SLC10A2: variants seen among roughly 807,000 people sequenced by gnomAD.
The protein encoded by SLC10A2 is ileal sodium/bile acid cotransporter.
In SLC10A2, 34 loss-of-function variants were observed where a neutral mutation model predicts 27.1. The ratio of observed to expected loss-of-function variants is 1.26; its 90% CI spans 0.96 to 1.67. The LOEUF (loss-of-function observed/expected upper bound fraction) is 1.67, where lower values mean the gene tolerates loss of function less well. SLC10A2 is among the 40% of genes most tolerant of loss of function. The pLI is 0.00. For missense variants in SLC10A2, 530 were observed against 444.4 expected, an observed-to-expected ratio of 1.19 and a Z score of -1.73; for synonymous variants, 205 against 174.0, an observed-to-expected ratio of 1.18 and a Z score of -1.40.
chr13:103,066,369 C>T lies in SLC10A2; in HGVS notation c.-120G>A, dbSNP rs1451368711. 1 of 1,100,624 alleles carries T rather than the reference C, an allele frequency of 9.1e-7. No individual in the cohort carries two copies. Among genetic ancestry groups the T allele is most frequent in the Non-Finnish European group, 1.3e-6 (1 of 796,120 alleles). The allele number at this position is 1,100,624 out of a possible 1,614,324, so 68.2% of individuals were successfully genotyped here. A position where few individuals can be genotyped will look rare whatever the true frequency, so the allele number is the denominator to read the frequency against. Reference sequence around the variant, plus strand: ...ACCCCATCAAACTTTTAAACCCCTCCTAAAAATATGTCACTTGGTGTCTCT... The same window carrying T: ...ACCCCATCAAACTTTTAAACCCCTCTTAAAAATATGTCACTTGGTGTCTCT... On this transcript the variant is annotated 5_prime_UTR_variant, in exon 1 of 6. Transcript: ENST00000245312.
At chr13:103,048,691 G>A (rs1875683594) in intron 5 of SLC10A2, among the ~76,000 whole-genome samples, 1 of 152,156 alleles carries the variant, frequency 6.6e-6, no homozygotes, top group Non-Finnish European at 1.5e-5. Context: ...GGGGCCTGAT[G>A]GGAAACGCTG....
intron 4 of SLC10A2, 64 bp from the exon 5 acceptor site, chr13:103,049,510 G>A: frequency 6.5e-7 from 1 of 1,531,176 alleles, no homozygotes; most frequent in Non-Finnish European, 9.0e-7. Context: ...ATGAAAAGCA[G>A]ATATAATAAT....
At chr13:103,058,726 G>C (rs570279807) in intron 1 of SLC10A2, among the ~76,000 whole-genome samples, 10 of 152,246 alleles carry the variant, frequency 6.6e-5, no homozygotes, top group Non-Finnish European at 1.2e-4. Flanking sequence ...TTCTGTCCTT[G>C]TGTTACTTTG....
chr13:103,046,296 A>C, intron 5 of SLC10A2, 36 bp from the exon 6 acceptor site: 1 of 1,545,294 alleles, frequency 6.5e-7, no homozygotes, highest in East Asian at 2.3e-5. Flanking sequence ...AGTAAATTTT[A>C]TAATAATAAA....
At chr13:103,046,617 TG>T (rs1330679872) in intron 5 of SLC10A2, among the ~76,000 whole-genome samples, 3 of 152,222 alleles carry the variant, frequency 2.0e-5, no homozygotes, top group Non-Finnish European at 1.5e-5. Flanking sequence ...AATATACACA[TG>T]GTGCAGTGCA....
At chr13:103,049,245 T>C (rs748883272) in intron 5 of SLC10A2, 44 bp downstream of exon 5, 19 of 1,609,350 alleles carry the variant, frequency 1.2e-5, no homozygotes, top group Non-Finnish European at 1.4e-5. Context: ...AACTCCAGGA[T>C]TTTTCAAAGA....
intron 1 of SLC10A2, among the ~76,000 whole-genome samples, chr13:103,060,430 G>A (rs975367997): frequency 6.8e-6 from 1 of 146,960 alleles, no homozygotes; most frequent in South Asian, 2.1e-4. Context: ...TGTCACCCAG[G>A]CCAGAGTACA....
At position 103,049,459 on chromosome 13, in the gene SLC10A2, T is replaced by C. The variant is rs769120580; in HGVS notation, c.762-13A>G. The C allele has an allele frequency of 5.6e-6, 9 of 1,613,526 alleles. No individual in the cohort carries two copies. The African/African-American group carries it at 1.2e-4, about 22-fold the overall frequency. ...AACCGTTCGGCACCTAAAGAAGATG[T>C]TAAGAGAGCACATGTTTTAGTAGTT... On this transcript the variant is annotated splice_polypyrimidine_tract_variant and intron_variant, in intron 4 of 5. Coordinates refer to ENST00000245312, the MANE Select transcript of SLC10A2 (RefSeq NM_000452.3).
Position 103,045,567 on chromosome 13 carries a change from A to T in SLC10A2, c.*566T>A, listed in dbSNP as rs892839834. The T allele has an allele frequency of 6.6e-6, 1 of 152,396 alleles. No individual in the cohort carries two copies. The highest frequency in any genetic ancestry group is 1.5e-5 in the Non-Finnish European group (1 of 68,208). 9.4% of individuals were successfully genotyped at this position (152,396 alleles called of 1,614,324 possible). The stretch of plus-strand genomic sequence containing the variant: ...GCCACTGGAGAAGGCAACTTTTTAA[A>T]AATACAGAAGTCAGATATTTGCCCA... On this transcript the variant is annotated 3_prime_UTR_variant, in exon 6 of 6. Coordinates refer to ENST00000245312, the MANE Select transcript of SLC10A2 (RefSeq NM_000452.3).
chr13:103,051,336 T>C lies in SLC10A2; in HGVS notation c.682A>G (p.Ile228Val). 1.2e-6 allele frequency: 2 copies of C among 1,613,960 alleles called. No homozygotes were observed. Among genetic ancestry groups the C allele is most frequent in the African/African-American group, 1.3e-5 (1 of 74,976 alleles). The change falls in exon 4 of 6, where the codon ATT (isoleucine) becomes GTT (valine). Residue 228 changes from isoleucine to valine, a missense_variant. Physicochemically the swap from Ile to Val is conservative, Grantham distance 29 (BLOSUM62 3). Transcript: ENST00000245312. ...GCCACAGGAAATATTGTTCCTATAATCCACAGTTTGGGAGCAATGATCCAG... is the reference window on the plus strand; with the variant it reads ...GCCACAGGAAATATTGTTCCTATAACCCACAGTTTGGGAGCAATGATCCAG... ...SAWIIAPKLW[I>V]IGTIFPVAGY... is the part of the protein sequence containing the mutation.
Position 103,046,095 on chromosome 13 carries a change from A to C in SLC10A2, c.*38T>G, listed in dbSNP as rs749942851. 1.8e-5 allele frequency: 29 copies of C among 1,610,374 alleles called. No individual in the cohort carries two copies. The highest frequency in any genetic ancestry group is 2.4e-5 in the Non-Finnish European group (28 of 1,176,950). ...AATTAAATATAGTTACGGTTTAAGAACGTAATTTGGAACTCGTCTGTTTTG... is the reference window on the plus strand; with the variant it reads ...AATTAAATATAGTTACGGTTTAAGACCGTAATTTGGAACTCGTCTGTTTTG... On this transcript the variant is annotated 3_prime_UTR_variant, in exon 6 of 6. Coordinates refer to ENST00000245312, the MANE Select transcript of SLC10A2 (RefSeq NM_000452.3).
chr13:103,049,508 C>A, intron 4 of SLC10A2, 62 bp from the exon 5 acceptor site: 6 of 1,539,894 alleles, frequency 3.9e-6, no homozygotes, highest in Non-Finnish European at 5.4e-6. Flanking sequence ...ACATGAAAAG[C>A]AGATATAATA....
chr13:103,049,361 GCTC>G lies in SLC10A2; in HGVS notation c.844_846del (p.Glu282del), dbSNP rs1875703914. 1.2e-6 allele frequency: 2 copies of G among 1,613,916 alleles called. No homozygotes were observed. The highest frequency in any genetic ancestry group is 2.2e-5 in the South Asian group (2 of 91,086). ...AGCGGGAAGGTGAATACGACATTGA[GCTC>G]CTCAGGAGTGAAGGAGAGCTGAACG... is the stretch of plus-strand genomic sequence containing the variant. On this transcript the variant is annotated inframe_deletion, in exon 5 of 6. Transcript: ENST00000245312.
intron 1 of SLC10A2, among the ~76,000 whole-genome samples, chr13:103,058,910 G>A (rs117798472): frequency 0.026 from 3,926 of 152,206 alleles, 88 homozygotes; most frequent in Non-Finnish European, 0.042. Context: ...ATAGTGCTGC[G>A]GTGGACATAT....
In SLC10A2 at chr13:103,052,647, C is replaced by A. The variant is rs1446307653; in HGVS notation, c.558G>T (p.Trp186Cys). ...VSIGMFVNHK[W>C]PQKAKIILKI... is the part of the protein sequence containing the mutation. ...TAAGTATGATCTTTGCTTTTTGGGG[C>A]CATTTGTGATTAACAAACATTCCAA... Residue 186 changes from tryptophan (W) to cysteine (C), a missense_variant, in exon 3 of 6, where the codon TGG (tryptophan) becomes TGT (cysteine). Transcript: ENST00000245312. 6.2e-7 allele frequency: 1 copy of A among 1,611,404 alleles called. No individual in the cohort carries two copies. The highest frequency in any genetic ancestry group is 8.5e-7 in the Non-Finnish European group (1 of 1,177,746).
intron 2 of SLC10A2, among the ~76,000 whole-genome samples, chr13:103,056,491 T>C (rs916913017): frequency 1.3e-5 from 2 of 152,154 alleles, no homozygotes; most frequent in Non-Finnish European, 2.9e-5. Flanking sequence ...TTTCCATGAG[T>C]CATTTCTCAG....
At chr13:103,053,505 A>G (rs1355139085) in intron 2 of SLC10A2, among the ~76,000 whole-genome samples, 1 of 152,166 alleles carries the variant, frequency 6.6e-6, no homozygotes, top group Admixed American at 6.5e-5. Flanking sequence ...TTTAACACTC[A>G]TTTGTCCAAT....
chr13:103,060,846 G>C (rs556008958), intron 1 of SLC10A2, among the ~76,000 whole-genome samples: 3 of 151,412 alleles, frequency 2.0e-5, no homozygotes, highest in Admixed American at 6.6e-5. Context: ...GGGTGTACTT[G>C]AAAGAAAATG....
At chr13:103,058,535 G>T (rs906396120) in intron 1 of SLC10A2, among the ~76,000 whole-genome samples, 153 bp from the exon 2 acceptor site, 1 of 152,136 alleles carries the variant, frequency 6.6e-6, no homozygotes, top group African/African-American at 2.4e-5. Context: ...GGGGTTTGTT[G>T]TACAGATTAT....
Sources: allele counts gnomAD v4.1 joint callset (sites outside exome capture counted in the v4.1 genomes callset), GRCh38; gene constraint gnomAD v4.1.1; transcripts MANE v1.5; gene names NCBI Gene and HGNC (gene_info 2026-07-23, HGNC 2026-07-21).